The following ZNF280D variants were observed in gnomAD, a reference collection of about 807,000 sequenced individuals.
ZNF280D encodes suppressor of hairy wing homolog 4.
A neutral mutation model predicts 94.7 loss-of-function variants in ZNF280D; 39 were observed. The observed-to-expected ratio is 0.41, with a 90% CI of 0.32 to 0.54. The LOEUF (loss-of-function observed/expected upper bound fraction) is 0.54, where lower values mean the gene tolerates loss of function less well. ZNF280D is among the 20% of genes least tolerant of loss of function. ZNF280D has a pLI of 0.22. For missense variants in ZNF280D, 1,090 were observed against 1,149.3 expected, an observed-to-expected ratio of 0.95 and a Z score of 0.75; for synonymous variants, 398 against 377.6, an observed-to-expected ratio of 1.05 and a Z score of -0.63.
chr15:56,715,391 A>G (rs1403691370), intron 1 of ZNF280D, among the ~76,000 whole-genome samples: 1 of 152,212 alleles, frequency 6.6e-6, no homozygotes, highest in South Asian at 2.1e-4. Flanking sequence ...CCCACTCACT[A>G]GAGTTTGGTG....
At chr15:56,678,300 C>G (rs1360321975) in intron 11 of ZNF280D, among the ~76,000 whole-genome samples, 3 of 152,190 alleles carry the variant, frequency 2.0e-5, no homozygotes, top group Non-Finnish European at 4.4e-5. Flanking sequence ...GCATGAGCCA[C>G]TGCACCCCGC....
intron 1 of ZNF280D, among the ~76,000 whole-genome samples, chr15:56,719,581 CACAG>C (rs1447643318): frequency 6.6e-6 from 1 of 152,028 alleles, no homozygotes; most frequent in East Asian, 1.9e-4. Context: ...TTTATAAGAA[CACAG>C]ACAGAGAAAG....
At chr15:56,681,406 T>C (rs1234264924) in intron 10 of ZNF280D, among the ~76,000 whole-genome samples, 1 of 152,134 alleles carries the variant, frequency 6.6e-6, no homozygotes, top group African/African-American at 2.4e-5. Context: ...CTAAGAAGGA[T>C]GAAGAGATAC....
chr15:56,723,333 T>A (rs188744892), intron 1 of ZNF280D, among the ~76,000 whole-genome samples: 3 of 152,312 alleles, frequency 2.0e-5, no homozygotes, highest in Non-Finnish European at 2.9e-5. Flanking sequence ...TGATACATGC[T>A]ACAACATGAA....
At chr15:56,684,481 A>G (rs1248922163) in intron 9 of ZNF280D, among the ~76,000 whole-genome samples, 1 of 152,178 alleles carries the variant, frequency 6.6e-6, no homozygotes, top group Non-Finnish European at 1.5e-5. Flanking sequence ...TGCCAAGACA[A>G]CAAGATATTT....
At chr15:56,710,345 T>G (rs963618586) in intron 1 of ZNF280D, among the ~76,000 whole-genome samples, 1 of 151,528 alleles carries the variant, frequency 6.6e-6, no homozygotes, top group Non-Finnish European at 1.5e-5. Flanking sequence ...CAGAGGGAGG[T>G]TGCAGTGAGC....
chr15:56,671,663 T>C (rs1243014674), intron 13 of ZNF280D, among the ~76,000 whole-genome samples: 1 of 152,152 alleles, frequency 6.6e-6, no homozygotes, highest in Non-Finnish European at 1.5e-5. Flanking sequence ...ATTCGGGCTA[T>C]TTTTCGTTCC....
chr15:56,707,442 G>T, intron 1 of ZNF280D, 136 bp from the exon 2 acceptor site: 1 of 614,948 alleles, frequency 1.6e-6, no homozygotes, highest in Non-Finnish European at 2.4e-6. Context: ...TTACATAATT[G>T]GTTCATTCCT....
At chr15:56,684,385 A>C (rs1177212395) in intron 9 of ZNF280D, among the ~76,000 whole-genome samples, 2 of 152,246 alleles carry the variant, frequency 1.3e-5, no homozygotes, top group African/African-American at 4.8e-5. Flanking sequence ...GCCGTGGAGC[A>C]GTTGCAGATG....
At chr15:56,642,429 T>C (rs2052673380) in intron 20 of ZNF280D, among the ~76,000 whole-genome samples, 1 of 151,774 alleles carries the variant, frequency 6.6e-6, no homozygotes, top group African/African-American at 2.4e-5. Context: ...AGAAAGCAAG[T>C]AGTTGAGCAA....
intron 1 of ZNF280D, among the ~76,000 whole-genome samples, chr15:56,725,411 TTAATA>T (rs1461023937): frequency 1.3e-5 from 2 of 152,172 alleles, no homozygotes; most frequent in African/African-American, 4.8e-5. Flanking sequence ...GCAGCACATA[TTAATA>T]TATTTTTACA....
intron 1 of ZNF280D, among the ~76,000 whole-genome samples, chr15:56,725,339 C>T (rs1450964796): frequency 6.6e-6 from 1 of 151,756 alleles, no homozygotes; most frequent in African/African-American, 2.4e-5. Flanking sequence ...AGTCCAGAAA[C>T]CCCAAACCTG....
chr15:56,677,552 A>C, intron 12 of ZNF280D, 22 bp downstream of exon 12: 1 of 1,546,244 alleles, frequency 6.5e-7, no homozygotes, highest in Non-Finnish European at 8.9e-7. Flanking sequence ...ACACTTAAAA[A>C]AACAATAAAA....
chr15:56,631,459 C>T lies in ZNF280D; in HGVS notation c.*39G>A, dbSNP rs1185209864. ...TCACCTGATAGCACTGTTCCAAATG[C>T]CCTTATCGTTGGTACACTGAAACTT... On this transcript the variant is annotated 3_prime_UTR_variant, in exon 22 of 22. Transcript: ENST00000267807. The T allele has an allele frequency of 1.3e-6, 2 of 1,594,336 alleles. No homozygotes were observed. Among genetic ancestry groups the T allele is most frequent in the Non-Finnish European group, 1.7e-6 (2 of 1,168,322 alleles).
rs574455560 is a variant in ZNF280D, at chr15:56,657,935, T to C, written c.2057+489A>G. 1.1e-3 allele frequency among the ~76,000 whole-genome samples: 168 copies of C among 152,288 alleles called. 2 individuals carry two copies. Among genetic ancestry groups the C allele is most frequent in the African/African-American group, 3.7e-3 (155 of 41,562 alleles). ...ACATGCACACACATGTTCACAGTAGTATTATTCATAAGGGCCTCAAAATGA... is the reference window on the plus strand; with the variant it reads ...ACATGCACACACATGTTCACAGTAGCATTATTCATAAGGGCCTCAAAATGA... On this transcript the variant is annotated intron_variant, in intron 17 of 21. Transcript: ENST00000267807.
intron 13 of ZNF280D, among the ~76,000 whole-genome samples, chr15:56,672,010 T>C (rs964290153): frequency 6.6e-6 from 1 of 152,102 alleles, no homozygotes; most frequent in Admixed American, 6.6e-5. Flanking sequence ...GAAAAGCTAG[T>C]GATTTTTGCA....
At chr15:56,659,832 C>A (rs1354486517) in intron 16 of ZNF280D, among the ~76,000 whole-genome samples, 1 of 151,716 alleles carries the variant, frequency 6.6e-6, no homozygotes, top group Non-Finnish European at 1.5e-5. Context: ...AGCCAACACA[C>A]CTGGGTCAAT....
chr15:56,717,265 CA>C (rs2058096174), intron 1 of ZNF280D, among the ~76,000 whole-genome samples: 1 of 152,096 alleles, frequency 6.6e-6, no homozygotes, highest in South Asian at 2.1e-4. Context: ...GCAAAAATAA[CA>C]GATGTCCACT....
chr15:56,708,114 T>C (rs2057526241), intron 1 of ZNF280D, among the ~76,000 whole-genome samples: 1 of 152,054 alleles, frequency 6.6e-6, no homozygotes, highest in Non-Finnish European at 1.5e-5. Flanking sequence ...CACTGGAATA[T>C]ATAACTAATT....
Sources: gnomAD v4.1 joint callset for allele counts (sites outside exome capture counted in the v4.1 genomes callset) on GRCh38, gnomAD v4.1.1 for gene constraint, MANE v1.5 for transcripts, NCBI Gene and HGNC (gene_info 2026-07-23, HGNC 2026-07-21) for gene names.